Variants in ORC3 observed in about 807,000 individuals in gnomAD.
ORC3 encodes origin recognition complex subunit 3.
A neutral mutation model predicts 100.7 loss-of-function variants in ORC3; 78 were observed. The ratio of observed to expected loss-of-function variants is 0.77; its 90% CI spans 0.65 to 0.94. The LOEUF (loss-of-function observed/expected upper bound fraction) is 0.94. Among genes scored for constraint, ORC3 ranks in the 40% least tolerant of loss-of-function variants. ORC3 has a pLI of 0.00. For missense variants in ORC3, 789 were observed against 823.9 expected (o/e 0.96, Z 0.52); for synonymous variants, 295 against 289.3 (o/e 1.02, Z -0.20).
At chr6:87,673,573 T>G in the ORC3 span, among the ~76,000 whole-genome samples, 2 of 152,200 alleles carry the variant, frequency 1.3e-5, no homozygotes, top group Non-Finnish European at 2.9e-5. Flanking sequence ...CCAGGCGCAG[T>G]GGCTCACGCC....
chr6:87,614,482 G>A (rs1489355570), intron 8 of ORC3, among the ~76,000 whole-genome samples: 3 of 152,180 alleles, frequency 2.0e-5, no homozygotes, highest in East Asian at 3.9e-4. Flanking sequence ...TTCTGCAGCT[G>A]ACTTGAATTT....
At chr6:87,653,706 A>G (rs140873025) in intron 14 of ORC3, among the ~76,000 whole-genome samples, 308 of 152,344 alleles carry the variant, frequency 2.0e-3, no homozygotes, top group African/African-American at 7.2e-3. Context: ...AGTGAGGCTC[A>G]TTGGTATGTT....
chr6:87,653,703 C>T (rs541153325), intron 14 of ORC3, among the ~76,000 whole-genome samples: 42 of 152,284 alleles, frequency 2.8e-4, no homozygotes, highest in Non-Finnish European at 5.7e-4. Flanking sequence ...AGCAGTGAGG[C>T]TCATTGGTAT....
the ORC3 span, among the ~76,000 whole-genome samples, chr6:87,676,944 G>A: frequency 1.3e-5 from 2 of 151,864 alleles, no homozygotes; most frequent in Admixed American, 1.3e-4. Flanking sequence ...GGGCATGGTG[G>A]TAGGTGCCTG....
downstream of ORC3, chr6:87,667,490 C>T (rs1226965198): frequency 5.9e-6 from 1 of 168,922 alleles, no homozygotes; most frequent in African/African-American, 2.4e-5. Flanking sequence ...TTCCTCCTCT[C>T]CCAATTCCCT....
chr6:87,665,298 A>G (rs1939764476), intron 18 of ORC3, among the ~76,000 whole-genome samples: 1 of 152,252 alleles, frequency 6.6e-6, no homozygotes, highest in Non-Finnish European at 1.5e-5. Context: ...AATACTTGGC[A>G]AGGCAATAAA....
intron 13 of ORC3, among the ~76,000 whole-genome samples, chr6:87,647,705 G>A (rs1470014285): frequency 6.6e-6 from 1 of 152,180 alleles, no homozygotes. Flanking sequence ...AGTATGTAGT[G>A]TGCATTCAAT....
At chr6:87,612,008 G>C in intron 7 of ORC3, 81 bp from the exon 8 acceptor site, 1 of 1,310,094 alleles carries the variant, frequency 7.6e-7, no homozygotes, top group Non-Finnish European at 1.1e-6. Context: ...TTAAAATAAA[G>C]TTTGTCTTAT....
intron 15 of ORC3, 75 bp downstream of exon 15, chr6:87,657,057 T>G: frequency 2.1e-6 from 2 of 933,832 alleles, no homozygotes; most frequent in Non-Finnish European, 3.5e-6. Flanking sequence ...AGATTAACTC[T>G]GCCTGGATGT....
chr6:87,616,499 C>T, intron 9 of ORC3, 72 bp downstream of exon 9: 1 of 658,860 alleles, frequency 1.5e-6, no homozygotes, highest in South Asian at 1.8e-5. Flanking sequence ...TTCAGGCTGT[C>T]TAGTGTGATA....
intron 2 of ORC3, 55 bp downstream of exon 2, chr6:87,594,462 A>G: frequency 1.4e-6 from 2 of 1,441,742 alleles, no homozygotes; most frequent in Middle Eastern, 2.0e-4. Flanking sequence ...ACTATTAGGA[A>G]CTAACCCTAA....
intron 9 of ORC3, among the ~76,000 whole-genome samples, chr6:87,620,928 C>T (rs750034203): frequency 6.6e-6 from 1 of 152,140 alleles, no homozygotes; most frequent in Non-Finnish European, 1.5e-5. Context: ...AGGCACAGCT[C>T]CTACCATTGC....
intron 11 of ORC3, among the ~76,000 whole-genome samples, chr6:87,622,567 G>T (rs963226424): frequency 4.6e-5 from 7 of 151,978 alleles, no homozygotes; most frequent in Admixed American, 4.6e-4. Context: ...ATAATACTTG[G>T]ATGTAGTATA....
chr6:87,606,064 G>C, intron 5 of ORC3, 43 bp downstream of exon 5: 2 of 1,038,546 alleles, frequency 1.9e-6, no homozygotes, highest in South Asian at 1.3e-5. Flanking sequence ...AGATGTTACA[G>C]ACTTCTTTCA....
chr6:87,600,374 A>G (rs1777803476), intron 2 of ORC3, among the ~76,000 whole-genome samples: 1 of 152,230 alleles, frequency 6.6e-6, no homozygotes. Flanking sequence ...ATTTTTTAAC[A>G]TATTAAAGAT....
chr6:87,641,923 C>T (rs1261141515), intron 13 of ORC3, among the ~76,000 whole-genome samples: 4 of 152,196 alleles, frequency 2.6e-5, no homozygotes, highest in Non-Finnish European at 4.4e-5. Flanking sequence ...GCTCCACAAT[C>T]TATGATAAGC....
At chr6:87,669,476 C>CACT (rs1470415542), downstream of ORC3, among the ~76,000 whole-genome samples, 1 of 152,296 alleles carries the variant, frequency 6.6e-6, no homozygotes, top group South Asian at 2.1e-4. Context: ...ACACAAGTAC[C>CACT]ACTACTACCA....
intron 13 of ORC3, among the ~76,000 whole-genome samples, chr6:87,643,808 C>T (rs1768477040): frequency 6.6e-6 from 1 of 152,120 alleles, no homozygotes; most frequent in Non-Finnish European, 1.5e-5. Flanking sequence ...TTTAAGAGGA[C>T]ACCGTAAGTT....
the ORC3 span, among the ~76,000 whole-genome samples, chr6:87,676,265 C>T: frequency 1.1e-4 from 17 of 150,352 alleles, no homozygotes; most frequent in Non-Finnish European, 1.5e-4. Flanking sequence ...AAGATCGAGA[C>T]CATCCTGGCT....
Sources: gnomAD v4.1 joint callset for allele counts (sites outside exome capture counted in the v4.1 genomes callset) on GRCh38, gnomAD v4.1.1 for gene constraint, MANE v1.5 for transcripts, NCBI Gene and HGNC (gene_info 2026-07-23, HGNC 2026-07-21) for gene names.